PARD3B: variants seen among roughly 807,000 people sequenced by gnomAD.
The protein encoded by PARD3B is partitioning defective 3 homolog B.
Under a neutral mutation model 130.2 loss-of-function variants are expected in PARD3B, and 103 were observed. That is an observed-to-expected ratio of 0.79 (90% confidence interval 0.67 to 0.93). The LOEUF (loss-of-function observed/expected upper bound fraction) is 0.93, where lower values mean the gene tolerates loss of function less well. PARD3B is among the 40% of genes least tolerant of loss of function. PARD3B has a pLI of 0.00. For synonymous variants in PARD3B, 583 were observed against 553.2 expected, an observed-to-expected ratio of 1.05 and a Z score of -0.76; for missense variants, 1,609 against 1,499.2, an observed-to-expected ratio of 1.07 and a Z score of -1.21.
chr2:204,912,304 C>T (rs984402907), intron 2 of PARD3B, among the ~76,000 whole-genome samples: 2 of 152,094 alleles, frequency 1.3e-5, no homozygotes, highest in East Asian at 1.9e-4. Context: ...TTACTGAAGA[C>T]TTTTAATCAC....
At position 205,309,338 on chromosome 2, in the gene PARD3B, T is replaced by C. The variant is rs960335713; in HGVS notation, c.2630+7637T>C. On this transcript the variant is annotated intron_variant, in intron 18 of 22. Coordinates refer to ENST00000406610, the MANE Select transcript of PARD3B (RefSeq NM_001302769.2). The surrounding 1 kb of genome is among the most constrained non-coding windows in gnomAD (Gnocchi z 4.7). ...AGATAATGCAAGCATACCTCAAAGA[T>C]AGACTAGTTCGGTTACATAGTGGAG... Among the ~76,000 whole-genome samples, 4 of 152,188 alleles carry C rather than the reference T, an allele frequency of 2.6e-5. No individual in the cohort carries two copies. Among genetic ancestry groups the C allele is most frequent in the African/African-American group, 2.4e-5 (1 of 41,442 alleles).
At chr2:205,583,077 A>G (rs1033538449) in intron 22 of PARD3B, among the ~76,000 whole-genome samples, 1 of 152,166 alleles carries the variant, frequency 6.6e-6, no homozygotes, top group Non-Finnish European at 1.5e-5. Context: ...ATTTAGGGAG[A>G]TTCAGGTTGT....
intron 20 of PARD3B, among the ~76,000 whole-genome samples, chr2:205,454,450 A>T (rs1402712616): frequency 1.3e-5 from 2 of 152,152 alleles, no homozygotes; most frequent in African/African-American, 4.8e-5. Context: ...GAGACGTTTT[A>T]ATATTTATAT....
At chr2:205,168,768 A>G (rs1395168653) in intron 11 of PARD3B, among the ~76,000 whole-genome samples, 2 of 150,650 alleles carry the variant, frequency 1.3e-5, no homozygotes, top group African/African-American at 4.9e-5. Flanking sequence ...CTTCCCTTCC[A>G]GGAGATATCT....
At chr2:204,751,141 T>C (rs372994162) in intron 2 of PARD3B, among the ~76,000 whole-genome samples, 5 of 152,164 alleles carry the variant, frequency 3.3e-5, no homozygotes, top group African/African-American at 9.6e-5. Context: ...TGAAATATCT[T>C]TCTGAAGAAA....
chr2:205,269,742 T>G lies in PARD3B; in HGVS notation c.2185+23920T>G, dbSNP rs2040647340. ...AAAACAAAAATTAAGATCTGAAGAG[T>G]ACTTACCAAGTTGAGCAAGCAAGGG... is the stretch of plus-strand genomic sequence containing the variant. On this transcript the variant is annotated intron_variant, in intron 16 of 22. Transcript: ENST00000406610. The surrounding 1 kb of genome is among the most constrained non-coding windows in gnomAD (Gnocchi z 4.7). Among the ~76,000 whole-genome samples, 2 of 152,076 alleles carry G rather than the reference T, an allele frequency of 1.3e-5. No individual in the cohort carries two copies. The highest frequency in any genetic ancestry group is 4.8e-5 in the African/African-American group (2 of 41,384).
chr2:204,612,577 C>G (rs2033967567), intron 1 of PARD3B, among the ~76,000 whole-genome samples: 1 of 152,080 alleles, frequency 6.6e-6, no homozygotes, highest in South Asian at 2.1e-4. Flanking sequence ...TTGCAATTGT[C>G]TGTGCATGTA....
Position 205,274,864 on chromosome 2 carries a change from A to G in PARD3B, c.2186-25666A>G, listed in dbSNP as rs1399842417. On this transcript the variant is annotated intron_variant, in intron 16 of 22. Coordinates refer to ENST00000406610, the MANE Select transcript of PARD3B (RefSeq NM_001302769.2). This position sits in a 1 kb window ranked among gnomAD's most constrained non-coding sequence, Gnocchi z 4.2. ...TTACCTTGTGTTTTAAACCACTCAG[A>G]AAACTGGTAAAAAGCAGAATTGTCA... is the stretch of plus-strand genomic sequence containing the variant. Among the ~76,000 whole-genome samples, 1 of 152,198 alleles carries G rather than the reference A, an allele frequency of 6.6e-6. No individual in the cohort carries two copies. Among genetic ancestry groups the G allele is most frequent in the Non-Finnish European group, 1.5e-5 (1 of 68,040 alleles).
chr2:205,410,802 G>C (rs916849321), intron 19 of PARD3B, among the ~76,000 whole-genome samples: 3 of 152,014 alleles, frequency 2.0e-5, no homozygotes, highest in Non-Finnish European at 2.9e-5. Flanking sequence ...TTTCATGACA[G>C]GCCAAGTGTA....
At chr2:205,402,141 T>C (rs182297684) in intron 19 of PARD3B, among the ~76,000 whole-genome samples, 248 of 152,258 alleles carry the variant, frequency 1.6e-3, no homozygotes, top group Non-Finnish European at 2.9e-3. Context: ...ACTTTTTCAA[T>C]AGCAAGGAAA....
chr2:205,317,959 A>G (rs1012565890), intron 18 of PARD3B, among the ~76,000 whole-genome samples: 12 of 152,156 alleles, frequency 7.9e-5, no homozygotes, highest in African/African-American at 2.7e-4. Flanking sequence ...AATAACTAAA[A>G]GCAGCATCCC....
intron 19 of PARD3B, among the ~76,000 whole-genome samples, chr2:205,434,751 TAACTG>T (rs1237695313): frequency 6.6e-6 from 1 of 152,190 alleles, no homozygotes; most frequent in Non-Finnish European, 1.5e-5. Context: ...AAAATTGTCA[TAACTG>T]AGTTGACAAA....
At chr2:204,554,067 A>G (rs1216898868) in intron 1 of PARD3B, among the ~76,000 whole-genome samples, 1 of 151,928 alleles carries the variant, frequency 6.6e-6, no homozygotes, top group African/African-American at 2.4e-5. Context: ...AATACTAAAC[A>G]TCTTAAGCAC....
intron 4 of PARD3B, among the ~76,000 whole-genome samples, chr2:205,051,396 C>A (rs976119): frequency 0.98 from 149,581 of 152,320 alleles, 73,487 homozygotes; most frequent in Middle Eastern, 1. Flanking sequence ...TCCATCTCTT[C>A]AAGAGTGTTC....
rs1428502980 is a variant in PARD3B at position 205,229,176 on chromosome 2, T to G, written c.2141-16602T>G. ...TGGTCTTGAGGCTTGTGATTGTTTA[T>G]CATTGTCTCAACATTGAAGAGTTAG... is the stretch of plus-strand genomic sequence containing the variant. On this transcript the variant is annotated intron_variant, in intron 15 of 22. Coordinates refer to ENST00000406610, the MANE Select transcript of PARD3B (RefSeq NM_001302769.2). This position sits in a 1 kb window ranked among gnomAD's most constrained non-coding sequence, Gnocchi z 5.2. Among the ~76,000 whole-genome samples the G allele has an allele frequency of 6.6e-6, 1 of 152,246 alleles. No homozygotes were observed. The highest frequency in any genetic ancestry group is 1.5e-5 in the Non-Finnish European group (1 of 68,046).
At chr2:204,672,548 T>A (rs921827233) in intron 1 of PARD3B, among the ~76,000 whole-genome samples, 4 of 152,192 alleles carry the variant, frequency 2.6e-5, no homozygotes, top group African/African-American at 7.2e-5. Context: ...CTATAAATTT[T>A]AAAAAATGCT....
chr2:204,930,545 A>G (rs1575336948), intron 2 of PARD3B, among the ~76,000 whole-genome samples: 3 of 152,094 alleles, frequency 2.0e-5, no homozygotes, highest in African/African-American at 4.8e-5. Flanking sequence ...ACTAACACCA[A>G]TTTCGTTACC....
chr2:205,293,059 A>G (rs1311361608), intron 16 of PARD3B, among the ~76,000 whole-genome samples: 1 of 152,194 alleles, frequency 6.6e-6, no homozygotes, highest in Admixed American at 6.5e-5. Flanking sequence ...GAGAATTGAA[A>G]TGCTCTTTTT....
At chr2:205,051,273 G>A (rs565247042) in intron 4 of PARD3B, among the ~76,000 whole-genome samples, 28 of 152,258 alleles carry the variant, frequency 1.8e-4, no homozygotes, top group African/African-American at 6.0e-4. Flanking sequence ...TGAATTCGGG[G>A]AGTGTGTGAT....
Sources: allele counts gnomAD v4.1 joint callset (sites outside exome capture counted in the v4.1 genomes callset), GRCh38; gene constraint gnomAD v4.1.1; non-coding constraint Gnocchi (gnomAD v3.1); transcripts MANE v1.5; gene names NCBI Gene and HGNC (gene_info 2026-07-23, HGNC 2026-07-21).